Variants in ADGRG6 observed in about 807,000 individuals in gnomAD.
The protein encoded by ADGRG6 is adhesion G protein-coupled receptor G6.
Under a neutral mutation model 142.4 loss-of-function variants are expected in ADGRG6, and 84 were observed. The ratio of observed to expected loss-of-function variants is 0.59; its 90% CI spans 0.49 to 0.71. ADGRG6 has a LOEUF of 0.71. Ranked by LOEUF, ADGRG6 falls within the 30% of genes least tolerant of loss-of-function variation. ADGRG6 has a pLI of 0.00. For missense variants in ADGRG6, 1,367 were observed against 1,466.6 expected (o/e 0.93, Z 1.11); for synonymous variants, 521 against 520.5 (o/e 1.00, Z -0.01).
rs553890241 is a variant in ADGRG6 at position 142,417,353 on chromosome 6, G to C, written c.3019G>C (p.Glu1007Gln). The C allele has an allele frequency of 5.8e-5, 90 of 1,554,716 alleles. No homozygotes were observed. In the East Asian group the frequency reaches 6.1e-4, roughly 10 times the overall value. ...CTATGGAAAAGAAAGTTATGGGAAAGAAAAAGGTGATGAATTGTAAGTAAT... is the reference window on the plus strand; with the variant it reads ...CTATGGAAAAGAAAGTTATGGGAAACAAAAAGGTGATGAATTGTAAGTAAT... ...EVYGKESYGKEKGDEFCWIQD... is the reference protein window; with the variant it reads ...EVYGKESYGKQKGDEFCWIQD... The change falls in exon 21 of 25, where the codon GAA becomes CAA. Residue 1007 changes from glutamate (E) to glutamine (Q), a missense_variant. Glu to Gln is a conservative substitution (Grantham distance 29). This residue lies in a region of ADGRG6 where 344 missense variants were observed against 348.7 expected (regional missense o/e 0.99). Coordinates refer to ENST00000367609, the MANE Select transcript of ADGRG6 (RefSeq NM_198569.3).
At chr6:142,378,758 T>C (rs1781614086) in intron 4 of ADGRG6, among the ~76,000 whole-genome samples, 1 of 152,198 alleles carries the variant, frequency 6.6e-6, no homozygotes, top group Non-Finnish European at 1.5e-5. Context: ...CTATTTTCTA[T>C]AGAGTTACTA....
Position 142,444,863 on chromosome 6 carries a change from T to A in ADGRG6, c.*1348T>A. The A allele has an allele frequency of 6.6e-6, 1 of 152,214 alleles. No individual in the cohort carries two copies. Among genetic ancestry groups the A allele is most frequent in the South Asian group, 2.1e-4 (1 of 4,832 alleles). The allele number at this position is 152,214 out of a possible 1,614,324, so 9.4% of individuals were successfully genotyped here. ...TCAGTGCATGCTGTGCTTTTTCACA[T>A]TTGCTCTGGGTTATCTGGGAAGTAT... On this transcript the variant is annotated 3_prime_UTR_variant, in exon 25 of 25. Transcript: ENST00000367609.
intron 22 of ADGRG6, among the ~76,000 whole-genome samples, chr6:142,433,664 C>A (rs769618298): frequency 6.6e-6 from 1 of 152,224 alleles, no homozygotes; most frequent in Non-Finnish European, 1.5e-5. Flanking sequence ...CCAACTCTTC[C>A]TCCCCAACCT....
chr6:142,304,903 G>A (rs1166173864), intron 1 of ADGRG6, among the ~76,000 whole-genome samples: 1 of 152,048 alleles, frequency 6.6e-6, no homozygotes, highest in Non-Finnish European at 1.5e-5. Flanking sequence ...ATCAAAAAAT[G>A]TGGCTACCTG....
At chr6:142,412,046 C>T (rs563893014) in intron 18 of ADGRG6, among the ~76,000 whole-genome samples, 2 of 152,248 alleles carry the variant, frequency 1.3e-5, no homozygotes, top group African/African-American at 4.8e-5. Flanking sequence ...CCTGTTTTAT[C>T]TTATTAGCCA....
intron 2 of ADGRG6, among the ~76,000 whole-genome samples, chr6:142,314,308 G>A (rs1777918704): frequency 6.6e-6 from 1 of 152,158 alleles, no homozygotes; most frequent in African/African-American, 2.4e-5. Flanking sequence ...AGTGTGATGG[G>A]ACCACTAATG....
At chr6:142,336,985 A>G (rs1327572454) in intron 2 of ADGRG6, among the ~76,000 whole-genome samples, 1 of 152,160 alleles carries the variant, frequency 6.6e-6, no homozygotes, top group Non-Finnish European at 1.5e-5. Flanking sequence ...TAAAGTGTGG[A>G]TGGTTTTGCC....
intron 9 of ADGRG6, among the ~76,000 whole-genome samples, chr6:142,396,287 A>G (rs917602031): frequency 6.6e-6 from 1 of 152,190 alleles, no homozygotes; most frequent in Non-Finnish European, 1.5e-5. Context: ...AGTCACATCT[A>G]TGTTCACAGC....
intron 22 of ADGRG6, among the ~76,000 whole-genome samples, chr6:142,423,293 T>G (rs1448480072): frequency 6.8e-6 from 1 of 146,830 alleles, no homozygotes; most frequent in Non-Finnish European, 1.5e-5. Context: ...GTTTTTATGG[T>G]TTTAGGTCTA....
chr6:142,386,598 C>T (rs1378772608), intron 6 of ADGRG6, among the ~76,000 whole-genome samples: 2 of 152,176 alleles, frequency 1.3e-5, no homozygotes. Context: ...AGTTCCAAAA[C>T]AATCACCAAT....
chr6:142,315,683 T>C (rs1275151240), intron 2 of ADGRG6, among the ~76,000 whole-genome samples: 1 of 151,936 alleles, frequency 6.6e-6, no homozygotes, highest in South Asian at 2.1e-4. Context: ...ATCCAAAAAT[T>C]AGCCTGGTGT....
chr6:142,394,003 G>T, intron 9 of ADGRG6, 45 bp downstream of exon 9: 1 of 1,163,806 alleles, frequency 8.6e-7, no homozygotes, highest in Non-Finnish European at 1.3e-6. Context: ...TCTTTCTCTT[G>T]CTCACTACTT....
At chr6:142,421,043 G>T (rs1181689987) in intron 22 of ADGRG6, among the ~76,000 whole-genome samples, 1 of 152,152 alleles carries the variant, frequency 6.6e-6, no homozygotes, top group East Asian at 1.9e-4. Flanking sequence ...CTGAGCTGGG[G>T]TGGAAAGCAG....
At chr6:142,408,030 A>G (rs1775895450) in intron 15 of ADGRG6, 120 bp from the exon 16 acceptor site, 1 of 593,474 alleles carries the variant, frequency 1.7e-6, no homozygotes, top group Non-Finnish European at 2.9e-6. Flanking sequence ...GATAAACAGG[A>G]TGTTCTAGAA....
rs1219826072 is a variant in ADGRG6 at position 142,409,932 on chromosome 6, A to G, written c.2434+13A>G. The G allele has an allele frequency of 6.0e-6, 8 of 1,335,802 alleles. No homozygotes were observed. Among genetic ancestry groups the G allele is most frequent in the Non-Finnish European group, 6.3e-6 (6 of 948,000 alleles). The allele number at this position is 1,335,802 out of a possible 1,614,324, so 82.7% of individuals were successfully genotyped here. ...CTGAACAAAAACAGTAAGTTTTAAAATATTGGTTGTCTTAATATAGATAAC... is the reference window on the plus strand; with the variant it reads ...CTGAACAAAAACAGTAAGTTTTAAAGTATTGGTTGTCTTAATATAGATAAC... On this transcript the variant is annotated intron_variant, in intron 17 of 24. Transcript: ENST00000367609.
At chr6:142,410,341 T>G (rs1776018046) in intron 17 of ADGRG6, among the ~76,000 whole-genome samples, 1 of 151,682 alleles carries the variant, frequency 6.6e-6, no homozygotes, top group African/African-American at 2.4e-5. Context: ...ATGAGGGAGG[T>G]GAGAAGCTGA....
chr6:142,393,865 G>A, intron 8 of ADGRG6, 31 bp from the exon 9 acceptor site: 1 of 1,355,664 alleles, frequency 7.4e-7, no homozygotes, highest in East Asian at 2.5e-5. Flanking sequence ...TGGTGAGGTG[G>A]ATTAATGAAT....
At chr6:142,387,892 C>G (rs1185322757) in intron 6 of ADGRG6, among the ~76,000 whole-genome samples, 1 of 152,094 alleles carries the variant, frequency 6.6e-6, no homozygotes, top group Non-Finnish European at 1.5e-5. Context: ...CAATTAATGT[C>G]TATAATAAAT....
intron 2 of ADGRG6, among the ~76,000 whole-genome samples, chr6:142,365,100 G>T (rs1780885960): frequency 6.6e-6 from 1 of 152,016 alleles, no homozygotes; most frequent in African/African-American, 2.4e-5. Context: ...CCTATAACTG[G>T]ATAAATTATT....
Sources: gnomAD v4.1 joint callset for allele counts (sites outside exome capture counted in the v4.1 genomes callset) on GRCh38, gnomAD v4.1.1 for gene constraint, gnomAD v4.1.1 regional missense constraint, MANE v1.5 for transcripts, NCBI Gene and HGNC (gene_info 2026-07-23, HGNC 2026-07-21) for gene names.